Variants in LEKR1 observed in about 807,000 individuals in gnomAD.
The protein encoded by LEKR1 is protein LEKR1.
In LEKR1, 59 loss-of-function variants were observed where a neutral mutation model predicts 72.4. The ratio of observed to expected loss-of-function variants is 0.82; its 90% confidence interval spans 0.66 to 1.01. The LOEUF (loss-of-function observed/expected upper bound fraction) is 1.01, where lower values mean the gene tolerates loss of function less well. Ranked by LOEUF, LEKR1 falls within the 50% of genes least tolerant of loss-of-function variation. LEKR1 has a pLI of 0.00. For missense variants in LEKR1, 728 were observed against 759.2 expected (o/e 0.96, Z 0.48); for synonymous variants, 257 against 263.2 (o/e 0.98, Z 0.23).
chr3:156,910,885 T>C (rs941399138), intron 3 of LEKR1, among the ~76,000 whole-genome samples: 10 of 152,232 alleles, frequency 6.6e-5, no homozygotes, highest in Admixed American at 6.5e-5. Flanking sequence ...ATTCTAGTTC[T>C]GTTTTAAGTT....
chr3:157,024,169 TG>T (rs1465583998), intron 10 of LEKR1, among the ~76,000 whole-genome samples: 1 of 152,230 alleles, frequency 6.6e-6, no homozygotes, highest in East Asian at 1.9e-4. Context: ...AAACGCATAT[TG>T]CTTTCTCTCC....
chr3:156,999,774 G>A (rs528664563), intron 9 of LEKR1, among the ~76,000 whole-genome samples: 1 of 152,158 alleles, frequency 6.6e-6, no homozygotes, highest in Admixed American at 6.5e-5. Context: ...AAGGGCACTG[G>A]TTAGCAGAGC....
chr3:156,926,983 C>T (rs2108575320), intron 4 of LEKR1, among the ~76,000 whole-genome samples: 1 of 151,968 alleles, frequency 6.6e-6, no homozygotes, highest in East Asian at 1.9e-4. Flanking sequence ...GGATCAGTCA[C>T]TTTGAATTGT....
At chr3:157,032,326 T>A (rs1300342741) in intron 12 of LEKR1, among the ~76,000 whole-genome samples, 1 of 152,172 alleles carries the variant, frequency 6.6e-6, no homozygotes, top group Non-Finnish European at 1.5e-5. Flanking sequence ...GTTCAATATT[T>A]TTGTTGTTTG....
At chr3:156,967,092 A>G (rs1728685617) in intron 6 of LEKR1, among the ~76,000 whole-genome samples, 1 of 152,222 alleles carries the variant, frequency 6.6e-6, no homozygotes. Context: ...GAAAACTAAC[A>G]AACAGAAAGG....
intron 10 of LEKR1, among the ~76,000 whole-genome samples, chr3:157,013,971 G>T (rs1271287212): frequency 6.6e-6 from 1 of 152,034 alleles, no homozygotes; most frequent in Non-Finnish European, 1.5e-5. Context: ...ATCAATAGTT[G>T]CTATGCAACA....
chr3:157,027,735 G>A (rs1449262564), intron 11 of LEKR1, among the ~76,000 whole-genome samples: 1 of 152,086 alleles, frequency 6.6e-6, no homozygotes, highest in Non-Finnish European at 1.5e-5. Flanking sequence ...GATCGTTTGA[G>A]CGCAGGAGGT....
rs749584523 is a variant in LEKR1, at chr3:156,907,583, A to G, written c.264-12992A>G. On this transcript the variant is annotated intron_variant, in intron 3 of 12. Transcript: ENST00000356539. Reference sequence around the variant, plus strand: ...AACGTACCCATTCTTTTATACCACAATTTGTACCAGAGATATATTTGACAC... The same window carrying G: ...AACGTACCCATTCTTTTATACCACAGTTTGTACCAGAGATATATTTGACAC... Among the ~76,000 whole-genome samples, 110 of 152,114 alleles carry G rather than the reference A, an allele frequency of 7.2e-4. 1 individual carries two copies. The highest frequency in any genetic ancestry group is 3.4e-3 in the Middle Eastern group (1 of 294).
intron 2 of LEKR1, among the ~76,000 whole-genome samples, chr3:156,832,675 C>G (rs1036397026): frequency 1.8e-4 from 28 of 152,206 alleles, no homozygotes; most frequent in Non-Finnish European, 2.1e-4. Flanking sequence ...GAATTTCTCT[C>G]TTCTTGAGGT....
At chr3:156,874,910 C>T (rs1718385578) in intron 3 of LEKR1, among the ~76,000 whole-genome samples, 1 of 152,146 alleles carries the variant, frequency 6.6e-6, no homozygotes, top group South Asian at 2.1e-4. Context: ...TGTATCTATA[C>T]TGCATTTCAT....
Position 156,841,826 on chromosome 3 carries a change from G to A in LEKR1, c.49-10942G>A, listed in dbSNP as rs181160715. 2.3e-3 allele frequency among the ~76,000 whole-genome samples: 356 copies of A among 152,232 alleles called. 2 individuals carry two copies. Among genetic ancestry groups the A allele is most frequent in the African/African-American group, 8.3e-3 (344 of 41,518 alleles). The stretch of plus-strand genomic sequence containing the variant: ...GACTGGGCAGTGTATTTAATCAGCT[G>A]CGTGTGTTATTCTATACAGAATAAT... On this transcript the variant is annotated intron_variant, in intron 2 of 12. Transcript: ENST00000356539.
intron 6 of LEKR1, among the ~76,000 whole-genome samples, chr3:156,966,147 G>T (rs1383121799): frequency 6.6e-6 from 1 of 152,038 alleles, no homozygotes; most frequent in African/African-American, 2.4e-5. Flanking sequence ...AGTGATGGGG[G>T]TGGAGCCAAG....
chr3:156,988,404 C>T, intron 7 of LEKR1: 1 of 222,484 alleles, frequency 4.5e-6, no homozygotes, highest in Non-Finnish European at 9.6e-6. Context: ...GGATCCCAGT[C>T]ATCGTGTCAC....
At chr3:156,931,522 G>A (rs370654833) in intron 5 of LEKR1, among the ~76,000 whole-genome samples, 27 of 152,152 alleles carry the variant, frequency 1.8e-4, no homozygotes, top group African/African-American at 5.1e-4. Context: ...GAAAATGTAC[G>A]TCCACAAGAT....
At chr3:156,870,892 C>A (rs1420945201) in intron 3 of LEKR1, among the ~76,000 whole-genome samples, 11 of 152,030 alleles carry the variant, frequency 7.2e-5, no homozygotes, top group African/African-American at 2.7e-4. Flanking sequence ...GGACATTGAA[C>A]TTTATCAAAT....
Position 157,024,923 on chromosome 3 carries a change from A to C in LEKR1, c.1367A>C (p.Lys456Thr). ...YKKEQEELQM[K>T]ISDLITGATR... ...AAAGAACAAGAGGAACTACAAATGAAGGTCTGTAATTATGATGTTCATCAT... is the reference window on the plus strand; with the variant it reads ...AAAGAACAAGAGGAACTACAAATGACGGTCTGTAATTATGATGTTCATCAT... The change falls in exon 11 of 13, where the codon AAG (lysine) becomes ACG (threonine). Residue 456 changes from lysine to threonine, a missense_variant and splice_region_variant. By Grantham distance (78) the Lys-to-Thr change is moderately conservative. Coordinates refer to ENST00000356539, the MANE Select transcript of LEKR1 (RefSeq NM_001004316.3). 1 of 1,573,406 alleles carries C rather than the reference A, an allele frequency of 6.4e-7. No homozygotes were observed. The highest frequency in any genetic ancestry group is 8.7e-7 in the Non-Finnish European group (1 of 1,155,334).
At chr3:156,880,202 C>T (rs576554563) in intron 3 of LEKR1, among the ~76,000 whole-genome samples, 1 of 152,348 alleles carries the variant, frequency 6.6e-6, no homozygotes, top group South Asian at 2.1e-4. Context: ...TGCAAAGCCA[C>T]AGGGGCGGAG....
chr3:156,997,161 C>T (rs536759030), intron 9 of LEKR1, among the ~76,000 whole-genome samples: 3 of 152,040 alleles, frequency 2.0e-5, no homozygotes, highest in South Asian at 2.1e-4. Flanking sequence ...TCTTTTGGCT[C>T]CAGGGCAACC....
At chr3:156,966,847 C>G (rs567962900) in intron 6 of LEKR1, among the ~76,000 whole-genome samples, 1 of 152,208 alleles carries the variant, frequency 6.6e-6, no homozygotes, top group Non-Finnish European at 1.5e-5. Context: ...GGGTCCCTGA[C>G]CTCCAAGTAG....
Sources: allele counts gnomAD v4.1 joint callset (sites outside exome capture counted in the v4.1 genomes callset), GRCh38; gene constraint gnomAD v4.1.1; transcripts MANE v1.5; gene names NCBI Gene and HGNC (gene_info 2026-07-23, HGNC 2026-07-21).